PRKG1: variants seen among roughly 807,000 people sequenced by gnomAD.
The protein encoded by PRKG1 is cGMP-dependent protein kinase 1.
In PRKG1, 35 loss-of-function variants were observed where a neutral mutation model predicts 88.1. That is an observed-to-expected ratio of 0.40 (90% CI 0.30 to 0.53). The LOEUF (loss-of-function observed/expected upper bound fraction) is 0.53. PRKG1 is among the 20% of genes least tolerant of loss of function. The pLI is 0.59. For synonymous variants in PRKG1, 303 were observed against 292.5 expected (o/e 1.04, Z -0.37); for missense variants, 540 against 839.8 (o/e 0.64, Z 4.41).
chr10:51,594,326 C>A (rs1838387831), intron 3 of PRKG1, among the ~76,000 whole-genome samples: 1 of 152,152 alleles, frequency 6.6e-6, no homozygotes, highest in African/African-American at 2.4e-5. Context: ...CCATGCCCGG[C>A]CAAGGCAGTT....
intron 1 of PRKG1, among the ~76,000 whole-genome samples, chr10:51,132,112 A>T (rs1845580934): frequency 6.6e-6 from 1 of 152,208 alleles, no homozygotes; most frequent in Non-Finnish European, 1.5e-5. Flanking sequence ...ATTAAAAAAA[A>T]TGGAAAAATT....
intron 5 of PRKG1, among the ~76,000 whole-genome samples, chr10:52,007,826 C>A (rs183338641): frequency 1.3e-5 from 2 of 152,264 alleles, no homozygotes; most frequent in East Asian, 1.9e-4. Context: ...AATATACATT[C>A]TTTTCATCAC....
At chr10:51,751,098 C>G (rs140792777) in intron 3 of PRKG1, among the ~76,000 whole-genome samples, 9 of 152,166 alleles carry the variant, frequency 5.9e-5, no homozygotes, top group Non-Finnish European at 8.8e-5. Context: ...TTTTCCCTCC[C>G]CAACCTTACT....
intron 17 of PRKG1, among the ~76,000 whole-genome samples, chr10:52,291,551 A>G (rs1589763806): frequency 2.0e-5 from 3 of 151,408 alleles, no homozygotes; most frequent in African/African-American, 7.3e-5. Context: ...ATGATTTCCA[A>G]TTTCATCCAC....
chr10:51,809,777 G>A (rs1002310840), intron 4 of PRKG1, among the ~76,000 whole-genome samples: 6 of 152,074 alleles, frequency 3.9e-5, no homozygotes, highest in Admixed American at 1.3e-4. Context: ...CATCCCTCTT[G>A]CATTAAACCT....
At chr10:51,881,501 A>C (rs1841437407) in intron 4 of PRKG1, among the ~76,000 whole-genome samples, 1 of 152,160 alleles carries the variant, frequency 6.6e-6, no homozygotes, top group African/African-American at 2.4e-5. Context: ...TTCATAATTC[A>C]GTAGTCTAGC....
intron 2 of PRKG1, among the ~76,000 whole-genome samples, chr10:51,446,469 C>A (rs550287182): frequency 1.3e-5 from 2 of 152,060 alleles, no homozygotes; most frequent in South Asian, 4.1e-4. Context: ...TAATTCATCC[C>A]AAACCTTTTT....
At chr10:51,581,009 G>A (rs60984723) in intron 3 of PRKG1, among the ~76,000 whole-genome samples, 12 of 152,032 alleles carry the variant, frequency 7.9e-5, no homozygotes, top group African/African-American at 2.9e-4. Context: ...TGGGTCCAGG[G>A]GGGGGTCACT....
At chr10:51,053,780 T>G (rs1262897299) in intron 1 of PRKG1, among the ~76,000 whole-genome samples, 2 of 7,164 alleles carry the variant, frequency 2.8e-4, no homozygotes, top group Non-Finnish European at 1.1e-3. Context: ...TTTTTTTTGT[T>G]TTTTTTTTTT....
chr10:51,864,898 T>G (rs999646592), intron 4 of PRKG1, among the ~76,000 whole-genome samples: 1 of 152,150 alleles, frequency 6.6e-6, no homozygotes, highest in African/African-American at 2.4e-5. Context: ...ACAGGAGAAT[T>G]TTTGTATGTC....
At chr10:51,639,588 T>C (rs1284141545) in intron 3 of PRKG1, among the ~76,000 whole-genome samples, 1 of 150,880 alleles carries the variant, frequency 6.6e-6, no homozygotes, top group African/African-American at 2.4e-5. Context: ...ACCTAAAACA[T>C]TACTCCTTAT....
chr10:51,412,770 G>A (rs1838131222), intron 2 of PRKG1, among the ~76,000 whole-genome samples: 1 of 152,186 alleles, frequency 6.6e-6, no homozygotes, highest in Admixed American at 6.5e-5. Context: ...GGTAGGGAGT[G>A]AAGAAGAATG....
At chr10:51,565,554 T>TA (rs1837579171) in intron 3 of PRKG1, among the ~76,000 whole-genome samples, 1 of 152,138 alleles carries the variant, frequency 6.6e-6, no homozygotes, top group African/African-American at 2.4e-5. Context: ...GAAGGTGAAT[T>TA]ATCCTGTTGG....
intron 2 of PRKG1, among the ~76,000 whole-genome samples, chr10:51,269,838 C>T (rs983072551): frequency 6.6e-6 from 1 of 152,112 alleles, no homozygotes; most frequent in African/African-American, 2.4e-5. Context: ...TAAACAGAAA[C>T]CAACTCTTCC....
intron 9 of PRKG1, among the ~76,000 whole-genome samples, chr10:52,169,975 A>T (rs1164015360): frequency 1.3e-5 from 2 of 152,156 alleles, no homozygotes; most frequent in Non-Finnish European, 2.9e-5. Context: ...TAAGGTTTAT[A>T]CCACTTTGTG....
intron 7 of PRKG1, among the ~76,000 whole-genome samples, chr10:52,124,411 C>T (rs1268451057): frequency 6.6e-6 from 1 of 152,090 alleles, no homozygotes; most frequent in Non-Finnish European, 1.5e-5. Context: ...TATATCTAAA[C>T]ATAGAAAAGG....
chr10:52,183,017 G>C (rs912346164), intron 9 of PRKG1, among the ~76,000 whole-genome samples: 4 of 152,092 alleles, frequency 2.6e-5, no homozygotes, highest in Admixed American at 1.3e-4. Flanking sequence ...GAGATAGAGG[G>C]GAGGAGGTAT....
At chr10:51,583,850 A>G (rs1454622444) in intron 3 of PRKG1, among the ~76,000 whole-genome samples, 1 of 152,128 alleles carries the variant, frequency 6.6e-6, no homozygotes, top group East Asian at 1.9e-4. Context: ...ATTAATTCAC[A>G]ATATTTAATG....
chr10:51,134,142 GCTT>G (rs1845636298), intron 1 of PRKG1, among the ~76,000 whole-genome samples: 1 of 152,108 alleles, frequency 6.6e-6, no homozygotes, highest in Non-Finnish European at 1.5e-5. Context: ...CATTCTTGTT[GCTT>G]CCAAATTTAG....
Sources: gnomAD v4.1 joint callset for allele counts (sites outside exome capture counted in the v4.1 genomes callset) on GRCh38, gnomAD v4.1.1 for gene constraint, MANE v1.5 for transcripts, NCBI Gene and HGNC (gene_info 2026-07-23, HGNC 2026-07-21) for gene names.